ME3: variants seen among roughly 807,000 people sequenced by gnomAD.
ME3 encodes NADP-dependent malic enzyme, mitochondrial.
In ME3, 48 loss-of-function variants were observed where a neutral mutation model predicts 68.9. The ratio of observed to expected loss-of-function variants is 0.70; its 90% CI spans 0.55 to 0.89. The LOEUF is 0.89. Ranked by LOEUF, ME3 falls within the 40% of genes least tolerant of loss-of-function variation. The pLI is 0.00. For missense variants in ME3, 675 were observed against 797.4 expected (o/e 0.85, Z 1.85); for synonymous variants, 320 against 318.8 (o/e 1.00, Z -0.04).
chr11:86,457,969 C>T (rs1322262295), intron 8 of ME3, among the ~76,000 whole-genome samples: 1 of 152,144 alleles, frequency 6.6e-6, no homozygotes, highest in Non-Finnish European at 1.5e-5. Context: ...AAAGAATTTA[C>T]TGCTTTATCA....
At position 86,487,267 on chromosome 11, in the gene ME3, A is replaced by G. The variant is rs1951746647; in HGVS notation, c.809+70T>C. 5 of 1,305,052 alleles carry G rather than the reference A, an allele frequency of 3.8e-6. No homozygotes were observed. In the South Asian group the frequency reaches 4.8e-5, roughly 13 times the overall value. 80.8% of individuals were successfully genotyped at this position (1,305,052 alleles called of 1,614,324 possible). ...GCCTTTACTTTGTATATCAGCCAAA[A>G]CCAGTGTTGACTTTAGTCACGGCAT... On this transcript the variant is annotated intron_variant, in intron 7 of 14. Transcript: ENST00000543262.
In ME3 at chr11:86,470,950, G is replaced by T. The variant is rs373003905; in HGVS notation, c.810-5750C>A. ...GTTATATCCAAATTCCTTAGGTAGTGTTCATTTTGGCCCCAGCTCTATTGC... is the reference window on the plus strand; with the variant it reads ...GTTATATCCAAATTCCTTAGGTAGTTTTCATTTTGGCCCCAGCTCTATTGC... On this transcript the variant is annotated intron_variant, in intron 7 of 14. Transcript: ENST00000543262. Among the ~76,000 whole-genome samples, 35 of 151,342 alleles carry T rather than the reference G, an allele frequency of 2.3e-4. No homozygotes were observed. In the South Asian group the frequency reaches 7.1e-3, roughly 31 times the overall value.
intron 3 of ME3, among the ~76,000 whole-genome samples, chr11:86,558,576 C>T (rs1957045783): frequency 6.6e-6 from 1 of 152,132 alleles, no homozygotes; most frequent in Non-Finnish European, 1.5e-5. Context: ...CTGAGCTCTG[C>T]TCCTAGGGGG....
chr11:86,607,921 T>C (rs150546849), intron 2 of ME3, among the ~76,000 whole-genome samples: 4 of 152,250 alleles, frequency 2.6e-5, no homozygotes, highest in African/African-American at 9.6e-5. Context: ...AATCATTCTT[T>C]CTGGCATGTT....
At chr11:86,499,362 C>T (rs1333593147) in intron 5 of ME3, among the ~76,000 whole-genome samples, 1 of 152,156 alleles carries the variant, frequency 6.6e-6, no homozygotes, top group African/African-American at 2.4e-5. Context: ...CTCACCTGCT[C>T]ACCAGCACTA....
intron 2 of ME3, among the ~76,000 whole-genome samples, chr11:86,602,890 T>C (rs975567031): frequency 1.9e-4 from 29 of 152,206 alleles, no homozygotes; most frequent in African/African-American, 7.0e-4. Flanking sequence ...GAAAACTGGC[T>C]AGCCATATGT....
At chr11:86,536,303 A>G (rs1955655642) in intron 4 of ME3, among the ~76,000 whole-genome samples, 1 of 149,998 alleles carries the variant, frequency 6.7e-6, no homozygotes, top group Non-Finnish European at 1.5e-5. Flanking sequence ...ATTAAACTAA[A>G]GAGCTTCTGC....
In ME3 at chr11:86,573,743, T is replaced by G. The variant is rs534176336; in HGVS notation, c.184-13920A>C. Among the ~76,000 whole-genome samples the G allele has an allele frequency of 1.8e-4, 27 of 152,338 alleles. No individual in the cohort carries two copies. The Middle Eastern group carries it at 0.034, about 192-fold the overall frequency. ...AGGGAATGCTTCCAGCTTTTGCCCA[T>G]TCAGTATGATATTGGCTATGGGTTT... On this transcript the variant is annotated intron_variant, in intron 2 of 14. Coordinates refer to ENST00000543262, the Ensembl canonical transcript of ME3.
At chr11:86,473,553 C>G (rs1235469037) in intron 7 of ME3, among the ~76,000 whole-genome samples, 2 of 152,076 alleles carry the variant, frequency 1.3e-5, no homozygotes, top group African/African-American at 4.8e-5. Context: ...TGAGAGATGA[C>G]AGGGCTGGTG....
chr11:86,440,128 C>G (rs544723108), downstream of ME3, among the ~76,000 whole-genome samples: 2 of 152,312 alleles, frequency 1.3e-5, no homozygotes, highest in East Asian at 3.9e-4. Flanking sequence ...CTATTCGTTG[C>G]TGGCAGTGGA....
chr11:86,490,947 A>G (rs75933009), intron 6 of ME3, among the ~76,000 whole-genome samples: 6,859 of 152,310 alleles, frequency 0.045, 166 homozygotes, highest in South Asian at 0.099. Flanking sequence ...TACTGCAGTA[A>G]AGATCAAAGG....
chr11:86,519,826 C>G (rs1351787601), intron 4 of ME3, among the ~76,000 whole-genome samples: 1 of 152,246 alleles, frequency 6.6e-6, no homozygotes, highest in Non-Finnish European at 1.5e-5. Context: ...GAGGGCAGAA[C>G]TGGAGAGACT....
chr11:86,613,922 C>A (rs1033563783), intron 2 of ME3, among the ~76,000 whole-genome samples: 1 of 152,118 alleles, frequency 6.6e-6, no homozygotes, highest in Admixed American at 6.5e-5. Flanking sequence ...CAATGCTATA[C>A]CCATCAAACT....
chr11:86,494,390 T>A (rs1373450597), intron 6 of ME3, among the ~76,000 whole-genome samples: 1 of 152,180 alleles, frequency 6.6e-6, no homozygotes, highest in Non-Finnish European at 1.5e-5. Flanking sequence ...ACAGCTGGGT[T>A]CCAATCCCAG....
At position 86,471,350 on chromosome 11, in the gene ME3, G is replaced by A. The variant is rs549574301; in HGVS notation, c.810-6150C>T. On this transcript the variant is annotated intron_variant, in intron 7 of 14. Coordinates refer to ENST00000543262, the Ensembl canonical transcript of ME3. ...GGGATTTCACCATGTTGGCCAGGAT[G>A]GTCTTGATTTCTTGACCTCATGATC... Among the ~76,000 whole-genome samples the A allele has an allele frequency of 2.0e-5, 3 of 151,898 alleles. No individual in the cohort carries two copies. In the South Asian group the frequency reaches 6.2e-4, roughly 32 times the overall value.
intron 2 of ME3, among the ~76,000 whole-genome samples, chr11:86,666,797 A>T (rs371188145): frequency 2.0e-5 from 3 of 152,232 alleles, no homozygotes; most frequent in African/African-American, 4.8e-5. Flanking sequence ...TATATTATGT[A>T]ATCTGCCTTC....
intron 4 of ME3, among the ~76,000 whole-genome samples, chr11:86,534,634 C>T (rs539350856): frequency 1.3e-5 from 2 of 152,226 alleles, no homozygotes; most frequent in South Asian, 4.1e-4. Context: ...GAGATCATGC[C>T]ACTGCACTCC....
At chr11:86,545,805 A>C (rs1956326240) in intron 4 of ME3, among the ~76,000 whole-genome samples, 1 of 152,222 alleles carries the variant, frequency 6.6e-6, no homozygotes, top group Non-Finnish European at 1.5e-5. Context: ...CAGAATTAGA[A>C]AAAACTACTT....
intron 7 of ME3, among the ~76,000 whole-genome samples, chr11:86,484,288 A>T (rs532904205): frequency 6.6e-6 from 1 of 151,986 alleles, no homozygotes; most frequent in Non-Finnish European, 1.5e-5. Flanking sequence ...CTTAAAATAC[A>T]TTGTGTTTGA....
Sources: gnomAD v4.1 joint callset for allele counts (sites outside exome capture counted in the v4.1 genomes callset) on GRCh38, gnomAD v4.1.1 for gene constraint, MANE v1.5 for transcripts, NCBI Gene and HGNC (gene_info 2026-07-23, HGNC 2026-07-21) for gene names.